PPP1R15B: variants seen among roughly 807,000 people sequenced by gnomAD.
PPP1R15B encodes protein phosphatase 1, regulatory (inhibitor) subunit 15B.
A neutral mutation model predicts 53.9 loss-of-function variants in PPP1R15B; 31 were observed. The ratio of observed to expected loss-of-function variants is 0.58; its 90% CI spans 0.43 to 0.78. The LOEUF is 0.78. Among genes scored for constraint, PPP1R15B ranks in the 30% least tolerant of loss-of-function variants. PPP1R15B has a pLI of 0.00. For missense variants in PPP1R15B, 928 were observed against 849.6 expected (o/e 1.09, Z -1.15); for synonymous variants, 345 against 329.1 (o/e 1.05, Z -0.52).
In PPP1R15B at chr1:204,404,400, G is replaced by C. The variant is rs973839416; in HGVS notation, c.*1692C>G. 1.2e-5 allele frequency: 6 copies of C among 509,438 alleles called. No homozygotes were observed. The highest frequency in any genetic ancestry group is 1.5e-5 in the Non-Finnish European group (6 of 395,746). 31.6% of individuals were successfully genotyped at this position (509,438 alleles called of 1,614,324 possible). On this transcript the variant is annotated 3_prime_UTR_variant, in exon 2 of 2. Transcript: ENST00000367188. ...CTCGGGAGGCTGAGGCAGGAGAATC[G>C]CGTGAACCCAGGAGGCGGAGGTTGC...
At position 204,405,280 on chromosome 1, in the gene PPP1R15B, A is replaced by T. The variant is rs568090090; in HGVS notation, c.*812T>A. 3 of 978,628 alleles carry T rather than the reference A, an allele frequency of 3.1e-6. No homozygotes were observed. The South Asian group carries it at 1.4e-4, about 46-fold the overall frequency. The allele number at this position is 978,628 out of a possible 1,614,324, so 60.6% of individuals were successfully genotyped here. A position where few individuals can be genotyped will look rare whatever the true frequency, so the allele number is the denominator to read the frequency against. ...ATTACTTTCCAGAGTGTTTTGCAATAACTTCAACCTGTTAAGAGATACAAA... is the reference window on the plus strand; with the variant it reads ...ATTACTTTCCAGAGTGTTTTGCAATTACTTCAACCTGTTAAGAGATACAAA... On this transcript the variant is annotated 3_prime_UTR_variant, in exon 2 of 2. Coordinates refer to ENST00000367188, the MANE Select transcript of PPP1R15B (RefSeq NM_032833.5).
In PPP1R15B at chr1:204,404,326, A is replaced by G. The variant is rs1674227383; in HGVS notation, c.*1766T>C. ...GCGAAACCCCGTCTCTACTAAAAAG[A>G]CACAAAAAATTAGCCGGGCGTGGTG... On this transcript the variant is annotated 3_prime_UTR_variant, in exon 2 of 2. Coordinates refer to ENST00000367188, the MANE Select transcript of PPP1R15B (RefSeq NM_032833.5). 5 of 663,694 alleles carry G rather than the reference A, an allele frequency of 7.5e-6. No homozygotes were observed. The South Asian group carries it at 3.4e-4, about 45-fold the overall frequency. 41.1% of individuals were successfully genotyped at this position (663,694 alleles called of 1,614,324 possible).
rs146182857 is a variant in PPP1R15B at position 204,410,295 on chromosome 1, G to A, written c.1117C>T (p.Pro373Ser). Residue 373 changes from proline (P) to serine (S), a missense_variant, in exon 1 of 2, where the codon CCA (proline) becomes TCA (serine). By Grantham distance (74) the Pro-to-Ser change is moderately conservative (BLOSUM62 -1). Transcript: ENST00000367188. ...EKIELLTTEV[P>S]LALEEESPSE... ...GGGCTCTCTTCTTCCAAAGCAAGTGGAACCTCTGTAGTTAATAATTCTATT... is the reference window on the plus strand; with the variant it reads ...GGGCTCTCTTCTTCCAAAGCAAGTGAAACCTCTGTAGTTAATAATTCTATT... The A allele has an allele frequency of 6.8e-6, 11 of 1,613,976 alleles. No individual in the cohort carries two copies. The highest frequency in any genetic ancestry group is 6.7e-5 in the Admixed American group (4 of 59,998).
intron 1 of PPP1R15B, among the ~76,000 whole-genome samples, chr1:204,406,524 C>T (rs531986011): frequency 2.0e-5 from 3 of 152,146 alleles, no homozygotes; most frequent in South Asian, 2.1e-4. Context: ...CGGAAGCAGG[C>T]GGATCACCTG....
rs1674323615 is a variant in PPP1R15B, at chr1:204,409,582, C to G, written c.1830G>C (p.Gln610His). 4 of 1,614,086 alleles carry G rather than the reference C, an allele frequency of 2.5e-6. No homozygotes were observed. The South Asian group carries it at 4.4e-5, about 18-fold the overall frequency. ...ECHTLLSCKV[Q>H]LLGSQESECP... ...ATTCACTTTCTTGGCTCCCCAACAG[C>G]TGCACCTTACAAGAAAGTAAGGTGT... is the stretch of plus-strand genomic sequence containing the variant. Residue 610 changes from glutamine (Q) to histidine (H), a missense_variant, in exon 1 of 2, where the codon CAG becomes CAC. Coordinates refer to ENST00000367188, the MANE Select transcript of PPP1R15B (RefSeq NM_032833.5).
In PPP1R15B at chr1:204,403,933, C is replaced by T; in HGVS notation, c.*2159G>A. ...ACTCATTTGGTAGTGAGGTTAGAAT[C>T]CCATGGGGAACAATTTTCCAAAATC... On this transcript the variant is annotated 3_prime_UTR_variant, in exon 2 of 2. Transcript: ENST00000367188. 1 of 985,428 alleles carries T rather than the reference C, an allele frequency of 1.0e-6. No individual in the cohort carries two copies. Among genetic ancestry groups the T allele is most frequent in the Non-Finnish European group, 1.2e-6 (1 of 829,882 alleles). The allele number at this position is 985,428 out of a possible 1,614,324, so 61.0% of individuals were successfully genotyped here.
At chr1:204,401,028 C>G (rs1295509334), downstream of PPP1R15B, among the ~76,000 whole-genome samples, 1 of 152,180 alleles carries the variant, frequency 6.6e-6, no homozygotes, top group Non-Finnish European at 1.5e-5. Flanking sequence ...CCTAGTTTCC[C>G]CTGTCTCTCT....
At position 204,409,646 on chromosome 1, in the gene PPP1R15B, T is replaced by G. The variant is rs1674324941; in HGVS notation, c.1766A>C (p.Lys589Thr). Residue 589 changes from lysine (K) to threonine (T), a missense_variant, in exon 1 of 2, where the codon AAG (lysine) becomes ACG (threonine). Physicochemically the swap from Lys to Thr is moderately conservative, Grantham distance 78. Coordinates refer to ENST00000367188, the MANE Select transcript of PPP1R15B (RefSeq NM_032833.5). ...GENEKGCRDS[K>T]TPSESIVAIS... ...GGCCACAATGGACTCAGATGGGGTC[T>G]TTGAGTCACGACAGCCTTTCTCATT... 2.5e-6 allele frequency: 4 copies of G among 1,613,694 alleles called. No homozygotes were observed. The highest frequency in any genetic ancestry group is 3.4e-6 in the Non-Finnish European group (4 of 1,179,584).
At chr1:204,402,713 T>C (rs2103441244), downstream of PPP1R15B, among the ~76,000 whole-genome samples, 1 of 147,482 alleles carries the variant, frequency 6.8e-6, no homozygotes, top group South Asian at 2.4e-4. Context: ...TGAGCCACCA[T>C]ACCTGGCCCA....
downstream of PPP1R15B, among the ~76,000 whole-genome samples, chr1:204,395,878 G>A (rs1309656111): frequency 6.6e-6 from 1 of 152,034 alleles, no homozygotes; most frequent in Non-Finnish European, 1.5e-5. Flanking sequence ...AAATTTATAT[G>A]TGCTTATATA....
At chr1:204,409,267 C>T (rs1008115085) in intron 1 of PPP1R15B, among the ~76,000 whole-genome samples, 2 of 152,166 alleles carry the variant, frequency 1.3e-5, no homozygotes, top group African/African-American at 2.4e-5. Context: ...CTGCTAACAT[C>T]TACACACTGG....
chr1:204,396,443 C>G (rs1674101874), downstream of PPP1R15B, among the ~76,000 whole-genome samples: 1 of 149,604 alleles, frequency 6.7e-6, no homozygotes, highest in Non-Finnish European at 1.5e-5. Context: ...GTCCCAGCTA[C>G]TCAGGAGGCT....
downstream of PPP1R15B, chr1:204,400,752 T>C: frequency 1.0e-6 from 1 of 980,442 alleles, no homozygotes; most frequent in Non-Finnish European, 1.2e-6. Context: ...TGCTCTTCTT[T>C]TGCTATTAAG....
At chr1:204,407,264 T>C (rs1435006214) in intron 1 of PPP1R15B, among the ~76,000 whole-genome samples, 3 of 152,326 alleles carry the variant, frequency 2.0e-5, no homozygotes, top group Non-Finnish European at 2.9e-5. Flanking sequence ...AAACAAAGTA[T>C]AGCAAAATTA....
In PPP1R15B at chr1:204,406,318, A is replaced by G; in HGVS notation, c.1921-5T>C. 6.2e-7 allele frequency: 1 copy of G among 1,613,510 alleles called. No individual in the cohort carries two copies. The highest frequency in any genetic ancestry group is 8.5e-7 in the Non-Finnish European group (1 of 1,179,716). On this transcript the variant is annotated splice_polypyrimidine_tract_variant and splice_region_variant and intron_variant, in intron 1 of 1. Coordinates refer to ENST00000367188, the MANE Select transcript of PPP1R15B (RefSeq NM_032833.5). ...AACTTCTTCAAGGAAGGTTACCTAC[A>G]AAAACAAAGACTAATTTTAATAACT...
downstream of PPP1R15B, among the ~76,000 whole-genome samples, chr1:204,396,391 A>C (rs527579863): frequency 0.14 from 20,107 of 147,430 alleles, 2,191 homozygotes; most frequent in African/African-American, 0.3. Context: ...AACAAAAAAA[A>C]AAAAACAAAA....
At position 204,410,194 on chromosome 1, in the gene PPP1R15B, G is replaced by T; in HGVS notation, c.1218C>A (p.Tyr406Ter). The T allele has an allele frequency of 6.2e-7, 1 of 1,614,066 alleles. No individual in the cohort carries two copies. Among genetic ancestry groups the T allele is most frequent in the Non-Finnish European group, 8.5e-7 (1 of 1,180,042 alleles). The change falls in exon 1 of 2, where the codon TAC becomes TAA. Residue 406 changes from tyrosine (Y) to a stop codon, truncating the protein, a stop_gained. Transcript: ENST00000367188. LOFTEE classifies it high-confidence loss of function. ...PGEGRISVVD[Y>*]SYLEGDLPIS... The stretch of plus-strand genomic sequence containing the variant: ...TGGGAAGGTCACCTTCTAGGTATGA[G>T]TAATCAACTACACTTATTCGGCCCT...
chr1:204,400,236 C>CAGA (rs555761601), downstream of PPP1R15B, among the ~76,000 whole-genome samples: 5 of 123,040 alleles, frequency 4.1e-5, no homozygotes, highest in Non-Finnish European at 1.6e-5. Context: ...GACACTGTCT[C>CAGA]AAAAAAAAAA....
At chr1:204,398,941 G>T (rs928734609), downstream of PPP1R15B, among the ~76,000 whole-genome samples, 1 of 152,116 alleles carries the variant, frequency 6.6e-6, no homozygotes, top group African/African-American at 2.4e-5. Context: ...TAATGGATGT[G>T]GTATACCTAG....
Sources: gnomAD v4.1 joint callset for allele counts (sites outside exome capture counted in the v4.1 genomes callset) on GRCh38, gnomAD v4.1.1 for gene constraint, MANE v1.5 for transcripts, NCBI Gene and HGNC (gene_info 2026-07-23, HGNC 2026-07-21) for gene names.